PSMA3: variants seen among roughly 807,000 people sequenced by gnomAD.
The protein encoded by PSMA3 is proteasome 20S subunit alpha 3, also known as proteasome subunit alpha type-3.
In PSMA3, 8 loss-of-function variants were observed where a neutral mutation model predicts 40.0. The ratio of observed to expected loss-of-function variants is 0.20; its 90% CI spans 0.12 to 0.36. PSMA3 has a LOEUF of 0.36. PSMA3 is among the 10% of genes least tolerant of loss of function. The pLI, the probability that PSMA3 is intolerant of heterozygous loss-of-function variation, is 1.00. For synonymous variants in PSMA3, 110 were observed against 100.0 expected (o/e 1.10, Z -0.59); for missense variants, 219 against 310.6 (o/e 0.70, Z 2.22).
At chr14:58,260,298 A>T (rs1890245315) in intron 5 of PSMA3, among the ~76,000 whole-genome samples, 1 of 152,218 alleles carries the variant, frequency 6.6e-6, no homozygotes, top group Admixed American at 6.5e-5. Context: ...TAGCTGTTAC[A>T]CTGTATTGTT....
At position 58,260,326 on chromosome 14, in the gene PSMA3, A is replaced by G. The variant is rs116346113; in HGVS notation, c.405-622A>G. Among the ~76,000 whole-genome samples, 724 of 152,326 alleles carry G rather than the reference A, an allele frequency of 4.8e-3. 6 individuals are homozygous for G. The highest frequency in any genetic ancestry group is 0.016 in the African/African-American group (673 of 41,576). On this transcript the variant is annotated intron_variant, in intron 5 of 10. Coordinates refer to ENST00000216455, the MANE Select transcript of PSMA3 (RefSeq NM_002788.4). ...GTATTGTTTAGGGAATAATGACAAG[A>G]AAATCACAGTTGTTCAGTACAGAAG...
intron 3 of PSMA3, among the ~76,000 whole-genome samples, chr14:58,253,927 T>G (rs1890075667): frequency 6.6e-6 from 1 of 152,188 alleles, no homozygotes; most frequent in South Asian, 2.1e-4. Flanking sequence ...ATGAATAGTA[T>G]TCCATTGTGT....
At chr14:58,257,480 A>G (rs1217742214) in intron 3 of PSMA3, among the ~76,000 whole-genome samples, 1 of 152,066 alleles carries the variant, frequency 6.6e-6, no homozygotes, top group Non-Finnish European at 1.5e-5. Flanking sequence ...CCCTGGTGAC[A>G]GAGCGAGACC....
Position 58,244,890 on chromosome 14 carries a change from A to G in PSMA3, c.-31A>G, listed in dbSNP as rs1889840965. 1 of 1,614,046 alleles carries G rather than the reference A, an allele frequency of 6.2e-7. No homozygotes were observed. The highest frequency in any genetic ancestry group is 8.5e-7 in the Non-Finnish European group (1 of 1,180,028). On this transcript the variant is annotated 5_prime_UTR_variant, in exon 1 of 11. Coordinates refer to ENST00000216455, the MANE Select transcript of PSMA3 (RefSeq NM_002788.4). ...TATAGGGGAAGCGCTCCGGGCCTGG[A>G]ATCCCTACGCGTCCCTTTGGGTTTA... is the stretch of plus-strand genomic sequence containing the variant.
intron 3 of PSMA3, among the ~76,000 whole-genome samples, chr14:58,255,572 C>T (rs752092682): frequency 2.6e-5 from 4 of 152,160 alleles, no homozygotes. Context: ...AGTTCAAGAC[C>T]AGCCTGACCA....
At chr14:58,270,808 C>A in intron 9 of PSMA3, 126 bp from the exon 10 acceptor site, 1 of 855,532 alleles carries the variant, frequency 1.2e-6, no homozygotes, top group Non-Finnish European at 1.8e-6. Context: ...TCGAGTATTA[C>A]TCATAGTACA....
At chr14:58,269,065 G>C (rs1890533270) in intron 8 of PSMA3, among the ~76,000 whole-genome samples, 1 of 151,898 alleles carries the variant, frequency 6.6e-6, no homozygotes, top group Non-Finnish European at 1.5e-5. Flanking sequence ...CTCTCAAGTA[G>C]CTGGGATTAC....
intron 6 of PSMA3, among the ~76,000 whole-genome samples, chr14:58,262,655 C>T (rs887898733): frequency 1.3e-5 from 2 of 151,596 alleles, no homozygotes; most frequent in African/African-American, 2.4e-5. Context: ...CTCTGCCTCC[C>T]GGATTCAAGG....
At chr14:58,252,924 C>CAT (rs1404335229) in intron 3 of PSMA3, among the ~76,000 whole-genome samples, 1 of 150,670 alleles carries the variant, frequency 6.6e-6, no homozygotes, top group Non-Finnish European at 1.5e-5. Context: ...GAGCTCTTTA[C>CAT]ATAAATTACC....
At chr14:58,245,707 C>G (rs1889865727) in intron 1 of PSMA3, among the ~76,000 whole-genome samples, 1 of 152,184 alleles carries the variant, frequency 6.6e-6, no homozygotes, top group African/African-American at 2.4e-5. Flanking sequence ...TTATGTACTT[C>G]TCTATATAGA....
At chr14:58,258,263 A>G (rs1566640800) in intron 5 of PSMA3, 1 of 338,786 alleles carries the variant, frequency 3.0e-6, no homozygotes, top group South Asian at 6.4e-5. Context: ...CGCAGTGAGA[A>G]CCTATCTCTA....
At chr14:58,249,561 G>C (rs1889956843) in intron 2 of PSMA3, among the ~76,000 whole-genome samples, 1 of 152,026 alleles carries the variant, frequency 6.6e-6, no homozygotes, top group Non-Finnish European at 1.5e-5. Flanking sequence ...CACCCAGGCT[G>C]GAGTGCAGTG....
intron 6 of PSMA3, among the ~76,000 whole-genome samples, chr14:58,262,644 C>T (rs1400731680): frequency 6.6e-6 from 1 of 151,272 alleles, no homozygotes; most frequent in Non-Finnish European, 1.5e-5. Flanking sequence ...CTCACTGTAA[C>T]CTCTGCCTCC....
chr14:58,270,425 A>G lies in PSMA3; in HGVS notation c.598A>G (p.Ile200Val), dbSNP rs200984115. ...IVKEVAKIIY[I>V]VHDEVKDKAF... ...TTCCCTTTTCTATTCTAGAATTTAC[A>G]TAGTACATGACGAAGTTAAGGATAA... The change falls in exon 9 of 11, where the codon ATA becomes GTA. Residue 200 changes from isoleucine (I) to valine (V), a missense_variant. Transcript: ENST00000216455. 1.7e-4 allele frequency: 274 copies of G among 1,613,446 alleles called. No individual in the cohort carries two copies. The highest frequency in any genetic ancestry group is 8.9e-5 in the Non-Finnish European group (105 of 1,179,668).
Position 58,260,277 on chromosome 14 carries a change from CACAGTGTAAAT to C in PSMA3, c.405-669_405-659del, listed in dbSNP as rs1184545072. Reference sequence around the variant, plus strand: ...TCTCTAGATTACTTGCAATACCTAACACAGTGTAAATAGCTGTTACACTGTATTGTTTAGGG... The same window carrying C: ...TCTCTAGATTACTTGCAATACCTAACAGCTGTTACACTGTATTGTTTAGGG... On this transcript the variant is annotated intron_variant, in intron 5 of 10. Transcript: ENST00000216455. 5.9e-5 allele frequency among the ~76,000 whole-genome samples: 9 copies of C among 152,282 alleles called. 1 individual carries two copies. The East Asian group carries it at 1.5e-3, about 26-fold the overall frequency.
At chr14:58,255,185 C>T (rs1890115634) in intron 3 of PSMA3, among the ~76,000 whole-genome samples, 1 of 73,660 alleles carries the variant, frequency 1.4e-5, no homozygotes, top group Non-Finnish European at 3.0e-5. Context: ...ACTTAGTAGC[C>T]GTTTTTTTTT....
chr14:58,245,041 A>G, intron 1 of PSMA3, 100 bp downstream of exon 1: 1 of 1,521,546 alleles, frequency 6.6e-7, no homozygotes, highest in Non-Finnish European at 9.1e-7. Context: ...GGGTGCTCTG[A>G]GACCGCCTTC....
At chr14:58,256,452 T>C (rs998483622) in intron 3 of PSMA3, among the ~76,000 whole-genome samples, 11 of 150,892 alleles carry the variant, frequency 7.3e-5, no homozygotes, top group Non-Finnish European at 1.5e-4. Context: ...TCTCGCTCTG[T>C]TGCCCAGGAT....
intron 5 of PSMA3, 128 bp downstream of exon 5, chr14:58,258,126 A>C: frequency 1.4e-6 from 1 of 717,650 alleles, no homozygotes; most frequent in South Asian, 1.8e-5. Flanking sequence ...GCAATGATTA[A>C]ATAAAACAGT....
Sources: gnomAD v4.1 joint callset for allele counts (sites outside exome capture counted in the v4.1 genomes callset) on GRCh38, gnomAD v4.1.1 for gene constraint, MANE v1.5 for transcripts, NCBI Gene and HGNC (gene_info 2026-07-23, HGNC 2026-07-21) for gene names.